RFTN1: variants seen among roughly 807,000 people sequenced by gnomAD.
The protein encoded by RFTN1 is raftlin, lipid raft linker 1.
RFTN1 carries 26 observed loss-of-function variants against 46.5 expected under a neutral mutation model. That is an observed-to-expected ratio of 0.56 (90% CI 0.41 to 0.78). RFTN1 has a LOEUF of 0.78. RFTN1 is among the 30% of genes least tolerant of loss of function. RFTN1 has a pLI of 0.00. For missense variants in RFTN1, 693 were observed against 718.7 expected (o/e 0.96, Z 0.41); for synonymous variants, 261 against 284.2 (o/e 0.92, Z 0.82).
intron 4 of RFTN1, among the ~76,000 whole-genome samples, chr3:16,397,625 A>G (rs932311889): frequency 6.6e-6 from 1 of 152,180 alleles, no homozygotes; most frequent in East Asian, 1.9e-4. Context: ...AAATAAATAG[A>G]AAAGAGAGAA....
rs1451276698 is a variant in RFTN1, at chr3:16,341,480, G to C, written c.1147-14604C>G. Among the ~76,000 whole-genome samples, 2 of 152,210 alleles carry C rather than the reference G, an allele frequency of 1.3e-5. No homozygotes were observed. The highest frequency in any genetic ancestry group is 2.9e-5 in the Non-Finnish European group (2 of 68,032). On this transcript the variant is annotated intron_variant, in intron 7 of 9. Coordinates refer to ENST00000334133, the MANE Select transcript of RFTN1 (RefSeq NM_015150.2). The surrounding 1 kb of genome is among the most constrained non-coding windows in gnomAD (Gnocchi z 4.7). ...ATATTATCCAGCACTAAAAAGCAATGAGCTCTCAAGAGATGGAGGAGCCTT... is the reference window on the plus strand; with the variant it reads ...ATATTATCCAGCACTAAAAAGCAATCAGCTCTCAAGAGATGGAGGAGCCTT...
chr3:16,456,773 C>T (rs750976536), intron 2 of RFTN1, among the ~76,000 whole-genome samples: 1 of 151,972 alleles, frequency 6.6e-6, no homozygotes, highest in Non-Finnish European at 1.5e-5. Context: ...CTCCATTGCA[C>T]GCTTGTCAAA....
Position 16,413,653 on chromosome 3 carries a change from A to C in RFTN1, c.333-4170T>G, listed in dbSNP as rs964526065. On this transcript the variant is annotated intron_variant, in intron 3 of 9. Transcript: ENST00000334133. This position sits in a 1 kb window ranked among gnomAD's most constrained non-coding sequence, Gnocchi z 4.7. Reference sequence around the variant, plus strand: ...ATTTCTGGAGACGTACACAGGGTTAACTAACAGCAAAAGCCCCCCCAACCT... The same window carrying C: ...ATTTCTGGAGACGTACACAGGGTTACCTAACAGCAAAAGCCCCCCCAACCT... 6.6e-5 allele frequency among the ~76,000 whole-genome samples: 10 copies of C among 152,244 alleles called. No individual in the cohort carries two copies. The highest frequency in any genetic ancestry group is 4.6e-4 in the Admixed American group (7 of 15,280).
rs903023757 is a variant in RFTN1, at chr3:16,483,887, C to T, written c.145+9838G>A. On this transcript the variant is annotated intron_variant, in intron 2 of 9. Coordinates refer to ENST00000334133, the MANE Select transcript of RFTN1 (RefSeq NM_015150.2). This position sits in a 1 kb window ranked among gnomAD's most constrained non-coding sequence, Gnocchi z 4.8. The stretch of plus-strand genomic sequence containing the variant: ...ATTCTCAGGCCTTGCCCTAGACTTA[C>T]TAAATCAGAAACTTTGAGGATGGGG... 6.6e-6 allele frequency among the ~76,000 whole-genome samples: 1 copy of T among 152,190 alleles called. No homozygotes were observed. The highest frequency in any genetic ancestry group is 2.4e-5 in the African/African-American group (1 of 41,446).
rs1237879769 is a variant in RFTN1 at position 16,321,679 on chromosome 3, T to C, written c.1332+1697A>G. Among the ~76,000 whole-genome samples the C allele has an allele frequency of 6.6e-6, 1 of 152,150 alleles. No homozygotes were observed. Among genetic ancestry groups the C allele is most frequent in the East Asian group, 1.9e-4 (1 of 5,198 alleles). On this transcript the variant is annotated intron_variant, in intron 9 of 9. Transcript: ENST00000334133. This position sits in a 1 kb window ranked among gnomAD's most constrained non-coding sequence, Gnocchi z 4.8. ...ACACCAGTCACCTACAGTCTTGGAA[T>C]GAGGCAGGAAATAATTAGGTACATG...
chr3:16,419,160 C>T (rs562722152), intron 3 of RFTN1, among the ~76,000 whole-genome samples: 1 of 152,074 alleles, frequency 6.6e-6, no homozygotes, highest in Non-Finnish European at 1.5e-5. Context: ...TGTGAAGGTG[C>T]GGGTTGCCTG....
rs1055557075 is a variant in RFTN1, at chr3:16,452,113, T to C, written c.146-18076A>G. 1.3e-5 allele frequency among the ~76,000 whole-genome samples: 2 copies of C among 152,182 alleles called. No individual in the cohort carries two copies. Among genetic ancestry groups the C allele is most frequent in the Non-Finnish European group, 2.9e-5 (2 of 68,020 alleles). ...CTCAGAATAGTGAGTAATTGAAAAC[T>C]TATGCATTATTTCTAGAATTTTTCA... On this transcript the variant is annotated intron_variant, in intron 2 of 9. Coordinates refer to ENST00000334133, the MANE Select transcript of RFTN1 (RefSeq NM_015150.2). This position sits in a 1 kb window ranked among gnomAD's most constrained non-coding sequence, Gnocchi z 6.3.
Position 16,425,667 on chromosome 3 carries a change from G to GA in RFTN1, c.332+8183dup, listed in dbSNP as rs2075275048. On this transcript the variant is annotated intron_variant, in intron 3 of 9. Coordinates refer to ENST00000334133, the MANE Select transcript of RFTN1 (RefSeq NM_015150.2). The surrounding 1 kb of genome is among the most constrained non-coding windows in gnomAD (Gnocchi z 4.3). ...GCAAGCCATTTAGGAGTGTGGATTG[G>GA]AAAAAATTCTTTCCCCCAAGAGAAG... Among the ~76,000 whole-genome samples, 1 of 152,018 alleles carries GA rather than the reference G, an allele frequency of 6.6e-6. No individual in the cohort carries two copies. Among genetic ancestry groups the GA allele is most frequent in the Admixed American group, 6.6e-5 (1 of 15,258 alleles).
chr3:16,372,194 A>G (rs1052402512), intron 5 of RFTN1, among the ~76,000 whole-genome samples: 3 of 152,214 alleles, frequency 2.0e-5, no homozygotes, highest in African/African-American at 7.2e-5. Context: ...GGCAACAGGA[A>G]GGAGCTGGAG....
At chr3:16,462,054 C>T (rs539349120) in intron 2 of RFTN1, among the ~76,000 whole-genome samples, 18 of 152,330 alleles carry the variant, frequency 1.2e-4, no homozygotes, top group African/African-American at 4.3e-4. Flanking sequence ...TCAGCCTGCT[C>T]ACTCATAGCA....
Position 16,493,849 on chromosome 3 carries a change from C to A in RFTN1, c.21G>T (p.Lys7Asn). The A allele has an allele frequency of 6.2e-7, 1 of 1,614,178 alleles. No homozygotes were observed. Among genetic ancestry groups the A allele is most frequent in the Non-Finnish European group, 8.5e-7 (1 of 1,180,012 alleles). ...GCCGTTTTTCATCACGTTTCTCTAA[C>A]TTGTTCAATCCGCAACCCATTTCAG... MGCGLN[K>N]LEKRDEKRPG... Residue 7 changes from lysine (K) to asparagine (N), a missense_variant, in exon 2 of 10, where the codon AAG becomes AAT. Coordinates refer to ENST00000334133, the MANE Select transcript of RFTN1 (RefSeq NM_015150.2).
At chr3:16,496,540 C>T (rs948131518) in intron 1 of RFTN1, among the ~76,000 whole-genome samples, 1 of 152,202 alleles carries the variant, frequency 6.6e-6, no homozygotes, top group Non-Finnish European at 1.5e-5. Context: ...ATTTAACAGG[C>T]ATCTACCAGA....
rs1403681403 is a variant in RFTN1, at chr3:16,473,157, T to G, written c.145+20568A>C. On this transcript the variant is annotated intron_variant, in intron 2 of 9. Coordinates refer to ENST00000334133, the MANE Select transcript of RFTN1 (RefSeq NM_015150.2). The surrounding 1 kb of genome is among the most constrained non-coding windows in gnomAD (Gnocchi z 5.3). ...ACACATACACAAACAGTACTTTCAG[T>G]CTGCAATTGCCTGTCTATTCCTTCA... 6.6e-6 allele frequency among the ~76,000 whole-genome samples: 1 copy of G among 152,204 alleles called. No homozygotes were observed. The highest frequency in any genetic ancestry group is 1.5e-5 in the Non-Finnish European group (1 of 68,032).
intron 4 of RFTN1, among the ~76,000 whole-genome samples, chr3:16,401,221 G>A (rs977713360): frequency 2.6e-5 from 4 of 152,046 alleles, no homozygotes; most frequent in African/African-American, 9.7e-5. Flanking sequence ...TACTTGGGAG[G>A]CTGAGGCAGG....
At position 16,336,264 on chromosome 3, in the gene RFTN1, AGCCTGGCTCTGTCTGT is replaced by A. The variant is rs1242796718; in HGVS notation, c.1147-9404_1147-9389del. 6.6e-6 allele frequency among the ~76,000 whole-genome samples: 1 copy of A among 152,244 alleles called. No homozygotes were observed. Among genetic ancestry groups the A allele is most frequent in the Admixed American group, 6.5e-5 (1 of 15,292 alleles). ...TCATTCATGAATCTCACATTCAGTC[AGCCTGGCTCTGTCTGT>A]GCCACTTGGGAAGCCTCTTCTGCCC... On this transcript the variant is annotated intron_variant, in intron 7 of 9. Coordinates refer to ENST00000334133, the MANE Select transcript of RFTN1 (RefSeq NM_015150.2). The surrounding 1 kb of genome is among the most constrained non-coding windows in gnomAD (Gnocchi z 6.0).
chr3:16,493,811 T>C lies in RFTN1; in HGVS notation c.59A>G (p.Tyr20Cys). The C allele has an allele frequency of 1.2e-6, 2 of 1,614,158 alleles. No homozygotes were observed. The highest frequency in any genetic ancestry group is 1.7e-6 in the Non-Finnish European group (2 of 1,180,038). The change falls in exon 2 of 10, where the codon TAT (tyrosine) becomes TGT (cysteine). Residue 20 changes from tyrosine to cysteine, a missense_variant. By Grantham distance (194) the Tyr-to-Cys change is radical. Transcript: ENST00000334133. ...KRDEKRPGNI[Y>C]STLKRPQVET... is the part of the protein sequence containing the mutation. ...CACCTGAGGCCTCTTCAAAGTTGAA[T>C]AAATATTCCCAGGCCGTTTTTCATC...
chr3:16,324,621 C>CCCTCCG (rs957893120), intron 8 of RFTN1, among the ~76,000 whole-genome samples: 2 of 136,484 alleles, frequency 1.5e-5, no homozygotes, highest in Non-Finnish European at 3.3e-5. Context: ...TGACCCCCCC[C>CCCTCCG]CTTTTAAGGT....
In RFTN1 at chr3:16,361,635, G is replaced by A. The variant is rs986979208; in HGVS notation, c.1031-3588C>T. 3.3e-5 allele frequency among the ~76,000 whole-genome samples: 5 copies of A among 152,190 alleles called. No homozygotes were observed. Among genetic ancestry groups the A allele is most frequent in the Admixed American group, 3.3e-4 (5 of 15,282 alleles). On this transcript the variant is annotated intron_variant, in intron 6 of 9. Coordinates refer to ENST00000334133, the MANE Select transcript of RFTN1 (RefSeq NM_015150.2). This position sits in a 1 kb window ranked among gnomAD's most constrained non-coding sequence, Gnocchi z 4.3. ...GCAGAGTGAACGAAGGACAGCCAAGGACCAGGTGAGCAGCAGAATCAGGAG... is the reference window on the plus strand; with the variant it reads ...GCAGAGTGAACGAAGGACAGCCAAGAACCAGGTGAGCAGCAGAATCAGGAG...
rs775326569 is a variant in RFTN1, at chr3:16,446,967, G to A, written c.146-12930C>T. Among the ~76,000 whole-genome samples, 2 of 152,122 alleles carry A rather than the reference G, an allele frequency of 1.3e-5. No homozygotes were observed. The highest frequency in any genetic ancestry group is 2.9e-5 in the Non-Finnish European group (2 of 68,024). On this transcript the variant is annotated intron_variant, in intron 2 of 9. Transcript: ENST00000334133. This position sits in a 1 kb window ranked among gnomAD's most constrained non-coding sequence, Gnocchi z 4.5. ...AACTATTGGAAATCATAAAGACCAC[G>A]TGTAAGACTAGTTTCAAGAGGCTTA...
Sources: allele counts gnomAD v4.1 joint callset (sites outside exome capture counted in the v4.1 genomes callset), GRCh38; gene constraint gnomAD v4.1.1; non-coding constraint Gnocchi (gnomAD v3.1); transcripts MANE v1.5; gene names NCBI Gene and HGNC (gene_info 2026-07-23, HGNC 2026-07-21).